The following PAIP2B variants were observed in gnomAD, a reference collection of about 807,000 sequenced individuals.
PAIP2B encodes the protein polyadenylate-binding protein-interacting protein 2B.
In PAIP2B, 13 loss-of-function variants were observed where a neutral mutation model predicts 17.0. The ratio of observed to expected loss-of-function variants is 0.76; its 90% confidence interval spans 0.50 to 1.22. The LOEUF is 1.22. Among genes scored for constraint, PAIP2B ranks in the 50% most tolerant of loss-of-function variants. The probability of loss-of-function intolerance (pLI) is 0.00; values close to 1 mark genes in which losing one functional copy is unlikely to be tolerated. For missense variants in PAIP2B, 117 were observed against 144.5 expected, an observed-to-expected ratio of 0.81 and a Z score of 0.98; for synonymous variants, 43 against 48.7, an observed-to-expected ratio of 0.88 and a Z score of 0.48.
At chr2:71,198,070 T>C (rs1029744442) in intron 2 of PAIP2B, among the ~76,000 whole-genome samples, 2 of 152,348 alleles carry the variant, frequency 1.3e-5, no homozygotes, top group Middle Eastern at 3.4e-3. Flanking sequence ...CCATACTTCT[T>C]GGAGGTTTTT....
At chr2:71,211,167 G>T (rs1675287144) in intron 1 of PAIP2B, among the ~76,000 whole-genome samples, 1 of 151,722 alleles carries the variant, frequency 6.6e-6, no homozygotes. Context: ...AGCGAGGCAG[G>T]ATAATCGCTT....
At position 71,202,605 on chromosome 2, in the gene PAIP2B, A is replaced by C; in HGVS notation, c.-11-5T>G. ...ATCCATTCATTATGATGGAACCTAA[A>C]GAGAAGCAAAAGAAAAGATAAAATG... is the stretch of plus-strand genomic sequence containing the variant. On this transcript the variant is annotated splice_region_variant and splice_polypyrimidine_tract_variant and intron_variant, in intron 1 of 3. Coordinates refer to ENST00000244221, the MANE Select transcript of PAIP2B (RefSeq NM_020459.1). 2 of 1,602,882 alleles carry C rather than the reference A, an allele frequency of 1.2e-6. No homozygotes were observed. Among genetic ancestry groups the C allele is most frequent in the Non-Finnish European group, 1.7e-6 (2 of 1,172,470 alleles).
intron 2 of PAIP2B, among the ~76,000 whole-genome samples, chr2:71,200,423 A>T (rs1358575960): frequency 2.6e-5 from 4 of 152,068 alleles, no homozygotes; most frequent in African/African-American, 7.3e-5. Context: ...CGAAATACTT[A>T]CTCCTATGAC....
In PAIP2B at chr2:71,187,002, AC is replaced by A. The variant is rs1253926262; in HGVS notation, c.*1476del. The A allele has an allele frequency of 6.6e-6, 1 of 152,192 alleles. No homozygotes were observed. Among genetic ancestry groups the A allele is most frequent in the Non-Finnish European group, 1.5e-5 (1 of 68,066 alleles). The allele number at this position is 152,192 out of a possible 1,614,324, so 9.4% of individuals were successfully genotyped here. On this transcript the variant is annotated 3_prime_UTR_variant, in exon 4 of 4. Transcript: ENST00000244221. ...TCCCACAGCCACATACTGAATTTATACCAACTTTGTTTCAAGTTACATATCT... is the reference window on the plus strand; with the variant it reads ...TCCCACAGCCACATACTGAATTTATACAACTTTGTTTCAAGTTACATATCT...
chr2:71,203,638 T>C (rs771384289), intron 1 of PAIP2B, among the ~76,000 whole-genome samples: 17 of 151,968 alleles, frequency 1.1e-4, no homozygotes, highest in Non-Finnish European at 1.9e-4. Flanking sequence ...GTAATTTTAC[T>C]GCTAAAGTAC....
intron 1 of PAIP2B, among the ~76,000 whole-genome samples, chr2:71,222,763 T>C (rs186578177): frequency 6.6e-6 from 1 of 152,272 alleles, no homozygotes; most frequent in East Asian, 1.9e-4. Flanking sequence ...AGTTGGTAGG[T>C]AGCAGAACCA....
At chr2:71,219,323 AT>A (rs1675519322) in intron 1 of PAIP2B, among the ~76,000 whole-genome samples, 1 of 151,908 alleles carries the variant, frequency 6.6e-6, no homozygotes, top group Non-Finnish European at 1.5e-5. Flanking sequence ...TTATTTTTAC[AT>A]TTCTTTTCTT....
At chr2:71,210,788 C>G (rs1675274725) in intron 1 of PAIP2B, among the ~76,000 whole-genome samples, 1 of 152,142 alleles carries the variant, frequency 6.6e-6, no homozygotes, top group African/African-American at 2.4e-5. Flanking sequence ...TAAAACTTGT[C>G]CTATACTGAC....
intron 2 of PAIP2B, among the ~76,000 whole-genome samples, chr2:71,201,025 G>A (rs1375542294): frequency 6.6e-6 from 1 of 151,654 alleles, no homozygotes; most frequent in Non-Finnish European, 1.5e-5. Flanking sequence ...GTGTGTGTGT[G>A]TGTGTGTGTG....
intron 1 of PAIP2B, among the ~76,000 whole-genome samples, chr2:71,206,325 A>T (rs1675127040): frequency 6.6e-6 from 1 of 152,294 alleles, no homozygotes; most frequent in South Asian, 2.1e-4. Context: ...GCATCTTGAA[A>T]CCTAAGAACA....
chr2:71,217,227 A>G (rs1197361369), intron 1 of PAIP2B, among the ~76,000 whole-genome samples: 1 of 152,152 alleles, frequency 6.6e-6, no homozygotes, highest in Non-Finnish European at 1.5e-5. Flanking sequence ...TCCGCCTCCC[A>G]GGTTCAAGTG....
intron 1 of PAIP2B, among the ~76,000 whole-genome samples, chr2:71,204,231 T>C (rs1222173640): frequency 1.3e-5 from 2 of 152,298 alleles, no homozygotes; most frequent in East Asian, 3.9e-4. Context: ...AACTCATCTC[T>C]CTTCAACCTT....
At chr2:71,189,669 G>A (rs1674633272) in intron 3 of PAIP2B, among the ~76,000 whole-genome samples, 176 bp downstream of exon 3, 1 of 152,168 alleles carries the variant, frequency 6.6e-6, no homozygotes, top group Non-Finnish European at 1.5e-5. Context: ...TGCTTTATGA[G>A]GAGCAATGCA....
intron 1 of PAIP2B, among the ~76,000 whole-genome samples, chr2:71,209,938 C>T (rs1347450978): frequency 6.6e-6 from 1 of 152,064 alleles, no homozygotes; most frequent in Non-Finnish European, 1.5e-5. Flanking sequence ...GATTCTCCTG[C>T]CTCAGCCTCC....
At chr2:71,195,977 G>A (rs72622619) in intron 2 of PAIP2B, among the ~76,000 whole-genome samples, 17,543 of 152,050 alleles carry the variant, frequency 0.12, 1,157 homozygotes, top group South Asian at 0.3. Flanking sequence ...TCCTGGATTC[G>A]CTGATCTCTT....
At chr2:71,217,278 A>T (rs1675451058) in intron 1 of PAIP2B, among the ~76,000 whole-genome samples, 1 of 152,076 alleles carries the variant, frequency 6.6e-6, no homozygotes, top group Non-Finnish European at 1.5e-5. Context: ...GGATTACAGG[A>T]GTCCACCACC....
chr2:71,189,783 T>C, intron 3 of PAIP2B, 62 bp downstream of exon 3: 4 of 1,434,104 alleles, frequency 2.8e-6, no homozygotes, highest in Non-Finnish European at 3.7e-6. Context: ...AAAGAAAGTC[T>C]GTCATTCCAA....
At chr2:71,202,051 A>G (rs751775272) in intron 2 of PAIP2B, among the ~76,000 whole-genome samples, 64 of 152,364 alleles carry the variant, frequency 4.2e-4, no homozygotes, top group Non-Finnish European at 6.6e-4. Context: ...TCTAGCCAGA[A>G]CAAGGCTGAG....
intron 1 of PAIP2B, among the ~76,000 whole-genome samples, chr2:71,205,536 C>T (rs369705369): frequency 6.6e-5 from 10 of 152,160 alleles, no homozygotes; most frequent in African/African-American, 2.4e-4. Context: ...CTGGTAACTC[C>T]TAGGGAAGGC....
Sources: allele counts gnomAD v4.1 joint callset (sites outside exome capture counted in the v4.1 genomes callset), GRCh38; gene constraint gnomAD v4.1.1; transcripts MANE v1.5; gene names NCBI Gene and HGNC (gene_info 2026-07-23, HGNC 2026-07-21).